The following MDGA2 variants were observed in gnomAD, a reference collection of about 807,000 sequenced individuals.
MDGA2 encodes MAM domain-containing glycosylphosphatidylinositol anchor protein 2.
Under a neutral mutation model 117.8 loss-of-function variants are expected in MDGA2, and 40 were observed. The observed-to-expected ratio is 0.34, with a 90% confidence interval of 0.26 to 0.44. The LOEUF is 0.44. Ranked by LOEUF, MDGA2 falls within the 20% of genes least tolerant of loss-of-function variation. MDGA2 has a pLI of 1.00. For missense variants in MDGA2, 1,123 were observed against 1,250.6 expected, an observed-to-expected ratio of 0.90 and a Z score of 1.54; for synonymous variants, 452 against 439.0, an observed-to-expected ratio of 1.03 and a Z score of -0.37.
chr14:47,216,653 A>G (rs1594730072), intron 3 of MDGA2, among the ~76,000 whole-genome samples: 1 of 152,126 alleles, frequency 6.6e-6, no homozygotes, highest in East Asian at 1.9e-4. Flanking sequence ...TTAAAATTTC[A>G]TGACCTAAAC....
intron 14 of MDGA2, among the ~76,000 whole-genome samples, chr14:46,868,053 G>C (rs1271299327): frequency 6.6e-6 from 1 of 151,736 alleles, no homozygotes; most frequent in African/African-American, 2.4e-5. Context: ...ATCTAGTTTG[G>C]ATCATTCTTT....
At chr14:46,961,438 A>C (rs915882413) in intron 8 of MDGA2, among the ~76,000 whole-genome samples, 4 of 152,062 alleles carry the variant, frequency 2.6e-5, no homozygotes, top group Non-Finnish European at 5.9e-5. Flanking sequence ...GAGCTAATTC[A>C]GTTCTTAATT....
intron 10 of MDGA2, among the ~76,000 whole-genome samples, chr14:46,914,156 A>T (rs1278240882): frequency 1.3e-5 from 2 of 152,114 alleles, no homozygotes; most frequent in African/African-American, 4.8e-5. Context: ...TGGTATATTT[A>T]GATAACTTAG....
intron 14 of MDGA2, among the ~76,000 whole-genome samples, chr14:46,867,768 T>C (rs1881834141): frequency 6.6e-6 from 1 of 152,078 alleles, no homozygotes; most frequent in Non-Finnish European, 1.5e-5. Context: ...TAAGTAAAGA[T>C]ATTGCTGGTA....
chr14:47,207,200 G>T (rs552077204), intron 3 of MDGA2, among the ~76,000 whole-genome samples: 1 of 152,044 alleles, frequency 6.6e-6, no homozygotes, highest in East Asian at 1.9e-4. Flanking sequence ...ATGAATATGG[G>T]GGTCAAGAAG....
At chr14:47,285,018 T>C (rs1483734199) in intron 2 of MDGA2, among the ~76,000 whole-genome samples, 1 of 152,140 alleles carries the variant, frequency 6.6e-6, no homozygotes, top group East Asian at 1.9e-4. Context: ...ATTGGAACAT[T>C]TACCAACTCT....
intron 2 of MDGA2, among the ~76,000 whole-genome samples, chr14:47,265,242 A>T (rs1887927274): frequency 6.6e-6 from 1 of 152,230 alleles, no homozygotes; most frequent in African/African-American, 2.4e-5. Flanking sequence ...AATACAGTAA[A>T]AGAATTATGA....
intron 1 of MDGA2, among the ~76,000 whole-genome samples, chr14:47,656,160 C>A (rs1314641125): frequency 4.6e-5 from 7 of 152,184 alleles, no homozygotes; most frequent in Non-Finnish European, 8.8e-5. Context: ...TCAGCCAAGT[C>A]ATAAGATCAA....
chr14:47,120,565 G>T (rs1187767570), intron 5 of MDGA2, among the ~76,000 whole-genome samples: 1 of 151,888 alleles, frequency 6.6e-6, no homozygotes, highest in Non-Finnish European at 1.5e-5. Context: ...TTGTTATCAA[G>T]AAAAAAATAA....
intron 1 of MDGA2, among the ~76,000 whole-genome samples, chr14:47,374,126 G>C (rs2138399607): frequency 6.6e-6 from 1 of 152,030 alleles, no homozygotes; most frequent in Non-Finnish European, 1.5e-5. Flanking sequence ...CTTGAAAATA[G>C]GTGTCAATAA....
intron 10 of MDGA2, among the ~76,000 whole-genome samples, chr14:46,908,161 A>G (rs1005018034): frequency 6.6e-6 from 1 of 152,218 alleles, no homozygotes; most frequent in African/African-American, 2.4e-5. Flanking sequence ...TTGGAGTGGT[A>G]TAAACCTCTT....
chr14:47,181,852 C>T (rs950188736), intron 3 of MDGA2, among the ~76,000 whole-genome samples: 30 of 152,038 alleles, frequency 2.0e-4, no homozygotes, highest in Non-Finnish European at 3.7e-4. Flanking sequence ...AGGCTATGTC[C>T]TAAACACAAT....
At chr14:47,070,605 TTTTA>T (rs887088463) in intron 6 of MDGA2, among the ~76,000 whole-genome samples, 3 of 151,924 alleles carry the variant, frequency 2.0e-5, no homozygotes, top group Admixed American at 6.6e-5. Flanking sequence ...TTTTTTATTA[TTTTA>T]TTTATTTATT....
At chr14:47,112,161 G>A (rs1881074768) in intron 5 of MDGA2, among the ~76,000 whole-genome samples, 1 of 152,078 alleles carries the variant, frequency 6.6e-6, no homozygotes, top group Admixed American at 6.5e-5. Flanking sequence ...AAAGATAAAA[G>A]AAATGGGAAG....
At chr14:46,920,279 A>G (rs780357109) in intron 9 of MDGA2, 119 bp from the exon 10 acceptor site, 1 of 977,242 alleles carries the variant, frequency 1.0e-6, no homozygotes, top group Non-Finnish European at 1.4e-6. Context: ...ATAAAATCCA[A>G]TCAATTTTCT....
chr14:47,310,740 C>A (rs564096584), intron 1 of MDGA2, among the ~76,000 whole-genome samples: 4 of 152,050 alleles, frequency 2.6e-5, no homozygotes, highest in Admixed American at 6.6e-5. Context: ...ATCTTGGCAA[C>A]TAGGTCATAG....
At chr14:47,145,330 C>T (rs542438992) in intron 3 of MDGA2, among the ~76,000 whole-genome samples, 6 of 152,076 alleles carry the variant, frequency 3.9e-5, no homozygotes, top group Non-Finnish European at 8.8e-5. Flanking sequence ...CAGCAAAACA[C>T]AATAGGTAAA....
intron 3 of MDGA2, among the ~76,000 whole-genome samples, chr14:47,207,956 C>T (rs573836848): frequency 1.3e-4 from 20 of 152,094 alleles, no homozygotes; most frequent in Non-Finnish European, 2.8e-4. Context: ...TTCCCTCTAT[C>T]AAGAGAGAAC....
At chr14:47,284,737 A>G (rs554360044) in intron 2 of MDGA2, among the ~76,000 whole-genome samples, 1 of 152,270 alleles carries the variant, frequency 6.6e-6, no homozygotes, top group South Asian at 2.1e-4. Context: ...AATGAATATT[A>G]GAACCTGGAG....
Sources: allele counts gnomAD v4.1 joint callset (sites outside exome capture counted in the v4.1 genomes callset), GRCh38; gene constraint gnomAD v4.1.1; transcripts MANE v1.5; gene names NCBI Gene and HGNC (gene_info 2026-07-23, HGNC 2026-07-21).